Variants in DRGX observed in about 807,000 individuals in gnomAD.
DRGX encodes the protein dorsal root ganglia homeobox protein.
In DRGX, 21 loss-of-function variants were observed where a neutral mutation model predicts 28.6. That is an observed-to-expected ratio of 0.73 (90% confidence interval 0.52 to 1.06). The LOEUF (loss-of-function observed/expected upper bound fraction) is 1.06. Ranked by LOEUF, DRGX falls within the 50% of genes least tolerant of loss-of-function variation. The pLI is 0.00. For synonymous variants in DRGX, 136 were observed against 139.1 expected (o/e 0.98, Z 0.16); for missense variants, 354 against 343.9 (o/e 1.03, Z -0.23).
intron 2 of DRGX, among the ~76,000 whole-genome samples, chr10:49,392,169 C>T (rs1035476856): frequency 6.6e-5 from 10 of 152,202 alleles, no homozygotes; most frequent in African/African-American, 2.2e-4. Flanking sequence ...GAGCAAGTTG[C>T]CATTAACCAG....
chr10:49,377,593 C>T (rs1168597371), intron 6 of DRGX, among the ~76,000 whole-genome samples: 2 of 152,202 alleles, frequency 1.3e-5, no homozygotes, highest in South Asian at 4.1e-4. Context: ...TGGTATCCAA[C>T]CACCATTCAA....
intron 4 of DRGX, among the ~76,000 whole-genome samples, chr10:49,389,283 G>A (rs951977324): frequency 3.3e-5 from 5 of 152,132 alleles, no homozygotes; most frequent in South Asian, 4.1e-4. Context: ...TGGTTTTTAA[G>A]AGATACTAAC....
intron 1 of DRGX, among the ~76,000 whole-genome samples, 162 bp from the exon 2 acceptor site, chr10:49,395,683 C>T (rs1266664200): frequency 2.0e-5 from 3 of 152,210 alleles, no homozygotes; most frequent in African/African-American, 4.8e-5. Context: ...CAAGCAGCAA[C>T]CCCACAGGGC....
intron 2 of DRGX, among the ~76,000 whole-genome samples, chr10:49,393,652 C>T (rs780479117): frequency 6.6e-6 from 1 of 152,202 alleles, no homozygotes; most frequent in Non-Finnish European, 1.5e-5. Flanking sequence ...TTTCCATTTG[C>T]GGGAGATCCC....
chr10:49,370,170 C>A lies in DRGX; in HGVS notation c.527-3789G>T, dbSNP rs149002442. Among the ~76,000 whole-genome samples, 751 of 152,210 alleles carry A rather than the reference C, an allele frequency of 4.9e-3. 2 individuals are homozygous for A. Among genetic ancestry groups the A allele is most frequent in the African/African-American group, 0.017 (694 of 41,526 alleles). On this transcript the variant is annotated intron_variant, in intron 6 of 6. Transcript: ENST00000374139. ...CTGTAAAACCAGCACTTTGGGAGGC[C>A]TAGACGAGTGGATCACCTGAGGTCT...
intron 6 of DRGX, among the ~76,000 whole-genome samples, chr10:49,377,579 C>T (rs1043582011): frequency 1.2e-4 from 19 of 152,236 alleles, no homozygotes; most frequent in Admixed American, 1.2e-3. Context: ...TGCTTTTATA[C>T]TCTTGGTATC....
chr10:49,391,086 A>G (rs1849898036), intron 3 of DRGX, 78 bp downstream of exon 3: 1 of 1,449,594 alleles, frequency 6.9e-7, no homozygotes, highest in Non-Finnish European at 9.6e-7. Context: ...ATTTTAAAAG[A>G]CAAAGAAGAG....
chr10:49,370,574 G>A (rs773465783), intron 6 of DRGX, among the ~76,000 whole-genome samples: 4 of 152,238 alleles, frequency 2.6e-5, no homozygotes, highest in Non-Finnish European at 5.9e-5. Flanking sequence ...TGGCAAATGA[G>A]CCCTGGCCAT....
intron 6 of DRGX, among the ~76,000 whole-genome samples, chr10:49,378,383 A>C (rs1222147890): frequency 6.6e-6 from 1 of 152,206 alleles, no homozygotes; most frequent in Non-Finnish European, 1.5e-5. Context: ...GTCTGCAGAG[A>C]CAGAGGGCAG....
Position 49,386,804 on chromosome 10 carries a change from C to A in DRGX, c.289G>T (p.Asp97Tyr). The change falls in exon 5 of 7, where the codon GAC (aspartate) becomes TAC (tyrosine). Residue 97 changes from aspartate (D) to tyrosine (Y), a missense_variant. Coordinates refer to ENST00000374139, the MANE Select transcript of DRGX (RefSeq NM_001276451.2). ...KWRKTERGAS[D>Y]QEPGAKEPMA... ...GGCTCCTTGGCTCCTGGCTCCTGGT[C>A]TGAGGCCCCTCTCTCTGTCTTCCTC... 1 of 1,601,834 alleles carries A rather than the reference C, an allele frequency of 6.2e-7. No individual in the cohort carries two copies. The highest frequency in any genetic ancestry group is 2.2e-5 in the East Asian group (1 of 44,722).
intron 2 of DRGX, among the ~76,000 whole-genome samples, chr10:49,394,194 G>T (rs994286446): frequency 6.6e-6 from 1 of 152,134 alleles, no homozygotes; most frequent in African/African-American, 2.4e-5. Context: ...TCCTAGGAAT[G>T]CTGACAGAGC....
intron 6 of DRGX, among the ~76,000 whole-genome samples, chr10:49,373,621 C>T (rs1849683480): frequency 1.3e-5 from 2 of 152,216 alleles, no homozygotes; most frequent in South Asian, 2.1e-4. Flanking sequence ...TACAAGGACA[C>T]AGCAACAAGA....
chr10:49,378,577 A>G (rs969031829), intron 6 of DRGX, among the ~76,000 whole-genome samples: 4 of 152,246 alleles, frequency 2.6e-5, no homozygotes, highest in Non-Finnish European at 5.9e-5. Flanking sequence ...TTATATCTCA[A>G]TAAAGCTTTA....
intron 2 of DRGX, among the ~76,000 whole-genome samples, chr10:49,394,774 G>A (rs944050528): frequency 4.6e-5 from 7 of 151,918 alleles, no homozygotes; most frequent in African/African-American, 7.3e-5. Flanking sequence ...CTGGCCTGGG[G>A]AGTGGGGAGT....
chr10:49,394,328 G>A lies in DRGX; in HGVS notation c.34+1079C>T, dbSNP rs1001583976. Among the ~76,000 whole-genome samples, 3 of 152,184 alleles carry A rather than the reference G, an allele frequency of 2.0e-5. No homozygotes were observed. In the East Asian group the frequency reaches 5.8e-4, roughly 29 times the overall value. The stretch of plus-strand genomic sequence containing the variant: ...GCTCAGCCACTGCTCAGGGCAGCCT[G>A]CAGCAAGACTGACAAGCATCACCTG... On this transcript the variant is annotated intron_variant, in intron 2 of 6. Coordinates refer to ENST00000374139, the MANE Select transcript of DRGX (RefSeq NM_001276451.2).
At chr10:49,386,983 A>G in intron 4 of DRGX, 125 bp from the exon 5 acceptor site, 4 of 1,143,076 alleles carry the variant, frequency 3.5e-6, no homozygotes. Context: ...TGCCCTCTGA[A>G]CTGCAGCGTC....
chr10:49,390,886 A>G (rs1184065144), intron 3 of DRGX, among the ~76,000 whole-genome samples: 2 of 152,216 alleles, frequency 1.3e-5, no homozygotes, highest in Non-Finnish European at 2.9e-5. Flanking sequence ...TGAGGTTCAA[A>G]TGATATTGCT....
rs375603638 is a variant in DRGX at position 49,390,254 on chromosome 10, T to C, written c.133-20A>G. ...TTCCAGCTGGTAAAAGGAAAAAATA[T>C]GTACTGGTGAGAGGCTGTGGCTAGG... On this transcript the variant is annotated intron_variant, in intron 3 of 6. Coordinates refer to ENST00000374139, the MANE Select transcript of DRGX (RefSeq NM_001276451.2). 7 of 1,592,858 alleles carry C rather than the reference T, an allele frequency of 4.4e-6. No homozygotes were observed. Among genetic ancestry groups the C allele is most frequent in the Non-Finnish European group, 5.1e-6 (6 of 1,168,426 alleles).
rs559747380 is a variant in DRGX, at chr10:49,365,909, G to A, written c.*207C>T. ...GCCATCGGGATCTGTTGCCAAAGAA[G>A]CCAGGACAACACTGCCGCACTGGTG... On this transcript the variant is annotated 3_prime_UTR_variant, in exon 7 of 7. Coordinates refer to ENST00000374139, the MANE Select transcript of DRGX (RefSeq NM_001276451.2). 2.4e-5 allele frequency: 11 copies of A among 465,708 alleles called. No homozygotes were observed. In the South Asian group the frequency reaches 5.4e-4, roughly 23 times the overall value. The allele number at this position is 465,708 out of a possible 1,614,324, so 28.8% of individuals were successfully genotyped here.
Sources: allele counts gnomAD v4.1 joint callset (sites outside exome capture counted in the v4.1 genomes callset), GRCh38; gene constraint gnomAD v4.1.1; transcripts MANE v1.5; gene names NCBI Gene and HGNC (gene_info 2026-07-23, HGNC 2026-07-21).